The following HS6ST2 variants were observed in gnomAD, a reference collection of about 807,000 sequenced individuals.
The protein encoded by HS6ST2 is heparan sulfate 6-O-sulfotransferase 2.
HS6ST2 carries 17 observed loss-of-function variants against 33.0 expected under a neutral mutation model. The observed-to-expected ratio is 0.52, with a 90% CI of 0.35 to 0.77. The LOEUF (loss-of-function observed/expected upper bound fraction) is 0.77. HS6ST2 is among the 30% of genes least tolerant of loss of function. The pLI is 0.01. For missense variants in HS6ST2, 519 were observed against 551.7 expected (o/e 0.94, Z 0.59); for synonymous variants, 248 against 237.1 (o/e 1.05, Z -0.42).
At chrX:132,727,824 A>G (rs1434421514) in intron 2 of HS6ST2, among the ~76,000 whole-genome samples, 1 of 111,000 alleles carries the variant, frequency 9.0e-6, no homozygotes, top group Non-Finnish European at 1.9e-5. Context: ...CCTGGCAATC[A>G]TCTGTTTTCT....
intron 2 of HS6ST2, among the ~76,000 whole-genome samples, chrX:132,853,773 T>C (rs1433726389): frequency 9.0e-6 from 1 of 111,158 alleles, no homozygotes; most frequent in Admixed American, 9.6e-5. Context: ...CGATGGCTCA[T>C]GCCTATAATC....
chrX:132,882,670 G>A, intron 2 of HS6ST2, among the ~76,000 whole-genome samples: 1 of 109,448 alleles, frequency 9.1e-6, no homozygotes. Context: ...ATGTTGAATA[G>A]GAGTGGTGAG....
intron 2 of HS6ST2, among the ~76,000 whole-genome samples, chrX:132,930,290 T>C (rs958243665): frequency 1.8e-5 from 2 of 111,103 alleles, no homozygotes; most frequent in Non-Finnish European, 3.8e-5. Flanking sequence ...GCCTCCTCAG[T>C]AGCTGGGATT....
chrX:132,861,236 G>C (rs998994034), intron 2 of HS6ST2, among the ~76,000 whole-genome samples: 1 of 112,257 alleles, frequency 8.9e-6, no homozygotes, highest in Admixed American at 9.5e-5. Flanking sequence ...ATATTCTACA[G>C]AGTATATGTG....
intron 1 of HS6ST2, 128 bp from the exon 2 acceptor site, chrX:132,957,454 C>G: frequency 1.3e-6 from 1 of 770,007 alleles, no homozygotes; most frequent in South Asian, 3.2e-5. Context: ...ACCGAGTACT[C>G]CACGGCGGCG....
At chrX:132,836,367 TA>T (rs2065644386) in intron 2 of HS6ST2, among the ~76,000 whole-genome samples, 1 of 112,545 alleles carries the variant, frequency 8.9e-6, no homozygotes, top group Non-Finnish European at 1.9e-5. Flanking sequence ...AATCTATCCG[TA>T]AACATGAGGG....
chrX:132,725,850 T>A (rs1346114481), intron 2 of HS6ST2, among the ~76,000 whole-genome samples: 7 of 111,622 alleles, frequency 6.3e-5, no homozygotes, highest in Non-Finnish European at 1.3e-4. Context: ...AATGAGACCG[T>A]GTCATTGCAA....
intron 2 of HS6ST2, among the ~76,000 whole-genome samples, chrX:132,894,229 C>A (rs2066347115): frequency 9.2e-6 from 1 of 108,410 alleles, no homozygotes; most frequent in East Asian, 2.9e-4. Context: ...GCAACCTCTA[C>A]CTCCTGGGTT....
chrX:132,889,423 G>A (rs1033664865), intron 2 of HS6ST2, among the ~76,000 whole-genome samples: 6 of 111,020 alleles, frequency 5.4e-5, no homozygotes, highest in Admixed American at 1.9e-4. Context: ...GCAAGAGAAG[G>A]GGGGAAGTGG....
chrX:132,674,806 C>T (rs769206245), intron 3 of HS6ST2, among the ~76,000 whole-genome samples: 124 of 111,907 alleles, frequency 1.1e-3, no homozygotes, highest in African/African-American at 3.9e-3. Flanking sequence ...CTGTTGCGTT[C>T]GCATCTAACT....
chrX:132,669,628 G>T (rs1292586576), intron 3 of HS6ST2: 1 of 113,886 alleles, frequency 8.8e-6, no homozygotes. Context: ...GTATGTGGAT[G>T]CCAAATGACT....
intron 2 of HS6ST2, among the ~76,000 whole-genome samples, chrX:132,761,955 A>G (rs1464537029): frequency 8.9e-6 from 1 of 112,229 alleles, no homozygotes; most frequent in East Asian, 2.8e-4. Flanking sequence ...TCATGAAGAC[A>G]TTTGTGAGGA....
At chrX:132,957,457 C>G in intron 1 of HS6ST2, 131 bp from the exon 2 acceptor site, 1 of 703,745 alleles carries the variant, frequency 1.4e-6, no homozygotes, top group Non-Finnish European at 2.0e-6. Flanking sequence ...GAGTACTCCA[C>G]GGCGGCGGCG....
At chrX:132,708,700 G>T in intron 2 of HS6ST2, 1 of 366,112 alleles carries the variant, frequency 2.7e-6, no homozygotes, top group East Asian at 4.7e-5. Flanking sequence ...GGCTAAAAGG[G>T]GCAAGGCTGC....
At chrX:132,811,969 TG>T (rs1376041093) in intron 2 of HS6ST2, among the ~76,000 whole-genome samples, 1 of 108,989 alleles carries the variant, frequency 9.2e-6, no homozygotes, top group African/African-American at 3.3e-5. Flanking sequence ...CTGGATTATA[TG>T]GTAATTCTAC....
At chrX:132,787,430 T>A (rs1427488576) in intron 2 of HS6ST2, among the ~76,000 whole-genome samples, 1 of 98,370 alleles carries the variant, frequency 1.0e-5, no homozygotes, top group Non-Finnish European at 2.0e-5. Context: ...GTAGCTGGGA[T>A]TACAGGCACC....
intron 2 of HS6ST2, among the ~76,000 whole-genome samples, chrX:132,709,750 G>A (rs770414009): frequency 1.8e-4 from 19 of 107,604 alleles, no homozygotes; most frequent in African/African-American, 6.1e-4. Context: ...GAGAGGCTAT[G>A]ATCCCTTCCA....
intron 2 of HS6ST2, among the ~76,000 whole-genome samples, chrX:132,871,084 A>G (rs768173793): frequency 1.8e-5 from 2 of 112,331 alleles, no homozygotes; most frequent in Non-Finnish European, 3.8e-5. Context: ...CAAGAAAAAA[A>G]CAAACAACCC....
chrX:132,882,297 T>A (rs973239661), intron 2 of HS6ST2, among the ~76,000 whole-genome samples: 1 of 111,191 alleles, frequency 9.0e-6, no homozygotes, highest in African/African-American at 3.3e-5. Context: ...CTCTTTTATT[T>A]CCTTGAGCAG....
Sources: gnomAD v4.1 joint callset for allele counts (sites outside exome capture counted in the v4.1 genomes callset) on GRCh38, gnomAD v4.1.1 for gene constraint, MANE v1.5 for transcripts, NCBI Gene and HGNC (gene_info 2026-07-23, HGNC 2026-07-21) for gene names.